STK3: variants seen among roughly 807,000 people sequenced by gnomAD.
The protein encoded by STK3 is serine/threonine kinase 3, also known as serine/threonine-protein kinase 3.
Under a neutral mutation model 58.0 loss-of-function variants are expected in STK3, and 41 were observed. The observed-to-expected ratio is 0.71, with a 90% CI of 0.55 to 0.92. STK3 has a LOEUF of 0.92. Among genes scored for constraint, STK3 ranks in the 40% least tolerant of loss-of-function variants. STK3 has a pLI of 0.00. For synonymous variants in STK3, 170 were observed against 191.0 expected (o/e 0.89, Z 0.91); for missense variants, 479 against 602.7 (o/e 0.79, Z 2.15).
chr8:98,763,394 TA>T (rs1443030834), intron 3 of STK3, among the ~76,000 whole-genome samples: 1 of 152,176 alleles, frequency 6.6e-6, no homozygotes, highest in Non-Finnish European at 1.5e-5. Flanking sequence ...AAAAAAAGAT[TA>T]AAACACCACC....
intron 10 of STK3, among the ~76,000 whole-genome samples, chr8:98,459,328 G>A (rs1230537278): frequency 1.3e-5 from 2 of 152,202 alleles, no homozygotes; most frequent in Non-Finnish European, 2.9e-5. Context: ...AAGCAGCAAA[G>A]TGTTCAAGAT....
intron 3 of STK3, among the ~76,000 whole-genome samples, chr8:98,762,623 A>G (rs1033539848): frequency 1.3e-5 from 2 of 152,244 alleles, no homozygotes; most frequent in Non-Finnish European, 2.9e-5. Flanking sequence ...GTGGTACTCA[A>G]TACATACTAG....
downstream of STK3, among the ~76,000 whole-genome samples, chr8:98,368,835 T>C (rs1011884027): frequency 4.6e-5 from 7 of 152,166 alleles, no homozygotes; most frequent in Non-Finnish European, 8.8e-5. Context: ...GTAGGCCTTC[T>C]CGGAACATTG....
chr8:98,589,504 T>C (rs1481188075), intron 7 of STK3, among the ~76,000 whole-genome samples: 1 of 152,234 alleles, frequency 6.6e-6, no homozygotes, highest in African/African-American at 2.4e-5. Flanking sequence ...TCTTCAAAGC[T>C]GTCAGACAGG....
chr8:98,905,603 T>C (rs1838866401), intron 1 of STK3: 1 of 992,528 alleles, frequency 1.0e-6, no homozygotes, highest in Non-Finnish European at 1.6e-6. Context: ...TCCCTACTGC[T>C]TGAAAAGAGA....
chr8:98,534,879 T>A (rs1458157364), intron 9 of STK3, among the ~76,000 whole-genome samples: 3 of 152,238 alleles, frequency 2.0e-5, no homozygotes, highest in Non-Finnish European at 4.4e-5. Context: ...ATATTTTTTA[T>A]AAACCAATTG....
At chr8:98,845,449 C>G (rs945649199) in intron 3 of STK3, among the ~76,000 whole-genome samples, 3 of 152,162 alleles carry the variant, frequency 2.0e-5, no homozygotes, top group Non-Finnish European at 2.9e-5. Flanking sequence ...GAATGCCATT[C>G]TTTTGACATC....
chr8:98,692,004 A>G (rs1488327553), intron 6 of STK3, among the ~76,000 whole-genome samples: 4 of 152,292 alleles, frequency 2.6e-5, no homozygotes, highest in African/African-American at 9.6e-5. Context: ...GATAATGGAC[A>G]ATAAGCATAT....
intron 3 of STK3, among the ~76,000 whole-genome samples, chr8:98,866,376 G>A (rs1380468876): frequency 6.6e-6 from 1 of 152,194 alleles, no homozygotes; most frequent in Non-Finnish European, 1.5e-5. Flanking sequence ...TGTAGTCTAG[G>A]AGGTTATGAA....
intron 7 of STK3, among the ~76,000 whole-genome samples, chr8:98,584,131 G>A (rs1368986601): frequency 1.3e-5 from 2 of 150,808 alleles, no homozygotes; most frequent in Non-Finnish European, 2.9e-5. Context: ...AAGTTTTAGG[G>A]TACATGTGCA....
At chr8:98,756,915 C>A (rs1830318824) in intron 3 of STK3, among the ~76,000 whole-genome samples, 1 of 152,182 alleles carries the variant, frequency 6.6e-6, no homozygotes, top group South Asian at 2.1e-4. Context: ...CCCTATGCCC[C>A]AGAACCCACT....
intron 3 of STK3, among the ~76,000 whole-genome samples, chr8:98,877,490 T>C (rs1837597319): frequency 6.6e-6 from 1 of 152,198 alleles, no homozygotes; most frequent in Non-Finnish European, 1.5e-5. Flanking sequence ...TTTGTTTTTT[T>C]GGTTTTTTTT....
chr8:98,460,918 T>C (rs1819922667), intron 10 of STK3, among the ~76,000 whole-genome samples: 1 of 152,204 alleles, frequency 6.6e-6, no homozygotes, highest in Non-Finnish European at 1.5e-5. Flanking sequence ...TATCATATGG[T>C]TTATCTTGGA....
At chr8:98,423,693 G>A (rs2131059177) in intron 3 of STK3, among the ~76,000 whole-genome samples, 1 of 152,320 alleles carries the variant, frequency 6.6e-6, no homozygotes, top group South Asian at 2.1e-4. Flanking sequence ...CAGGGGGAAG[G>A]TCAAGGACCC....
intron 1 of STK3, among the ~76,000 whole-genome samples, chr8:98,908,011 G>A (rs1237823576): frequency 6.6e-6 from 1 of 152,106 alleles, no homozygotes; most frequent in East Asian, 1.9e-4. Context: ...TATCTCCTGG[G>A]AAATAGTAGG....
chr8:98,422,742 C>T (rs989576462), intron 3 of STK3, among the ~76,000 whole-genome samples: 5 of 152,158 alleles, frequency 3.3e-5, no homozygotes, highest in African/African-American at 9.7e-5. Context: ...CCGAGTGAGA[C>T]GCAGACCCCA....
At chr8:98,740,554 T>G (rs1235180266) in intron 4 of STK3, among the ~76,000 whole-genome samples, 2 of 152,208 alleles carry the variant, frequency 1.3e-5, no homozygotes. Flanking sequence ...TGAGAGATTT[T>G]GTCACCACCA....
intron 6 of STK3, among the ~76,000 whole-genome samples, chr8:98,678,595 T>A (rs1438263438): frequency 1.3e-5 from 2 of 152,118 alleles, no homozygotes; most frequent in Non-Finnish European, 2.9e-5. Context: ...TTTAAAGTAT[T>A]TTAAGGCTCA....
intron 6 of STK3, among the ~76,000 whole-genome samples, chr8:98,667,254 T>C (rs745345600): frequency 3.9e-5 from 6 of 152,140 alleles, no homozygotes; most frequent in Admixed American, 6.5e-5. Context: ...GTTTAAATAT[T>C]TAGTCAGTAA....
Sources: allele counts gnomAD v4.1 joint callset (sites outside exome capture counted in the v4.1 genomes callset), GRCh38; gene constraint gnomAD v4.1.1; transcripts MANE v1.5; gene names NCBI Gene and HGNC (gene_info 2026-07-23, HGNC 2026-07-21).